SLC4A10: variants seen among roughly 807,000 people sequenced by gnomAD.
SLC4A10 encodes solute carrier family 4 member 10.
Under a neutral mutation model 137.7 loss-of-function variants are expected in SLC4A10, and 42 were observed. The ratio of observed to expected loss-of-function variants is 0.30; its 90% CI spans 0.24 to 0.39. The LOEUF (loss-of-function observed/expected upper bound fraction) is 0.39. Among genes scored for constraint, SLC4A10 ranks in the 10% least tolerant of loss-of-function variants. SLC4A10 has a pLI of 1.00. For synonymous variants in SLC4A10, 474 were observed against 464.1 expected, an observed-to-expected ratio of 1.02 and a Z score of -0.27; for missense variants, 925 against 1,355.0, an observed-to-expected ratio of 0.68 and a Z score of 4.98.
intron 1 of SLC4A10, among the ~76,000 whole-genome samples, chr2:161,662,875 A>G (rs552259352): frequency 6.6e-6 from 1 of 152,298 alleles, no homozygotes; most frequent in Non-Finnish European, 1.5e-5. Flanking sequence ...TTTGAAGTGG[A>G]TATTACTGCA....
chr2:161,830,462 G>A (rs2058361093), intron 3 of SLC4A10, among the ~76,000 whole-genome samples: 1 of 150,580 alleles, frequency 6.6e-6, no homozygotes, highest in Non-Finnish European at 1.5e-5. Flanking sequence ...TGCTCTTAAG[G>A]TAGTTGTGAG....
At chr2:161,967,398 TAAATGAATAC>T (rs1697790702) in intron 23 of SLC4A10, among the ~76,000 whole-genome samples, 1 of 152,178 alleles carries the variant, frequency 6.6e-6, no homozygotes, top group Non-Finnish European at 1.5e-5. Context: ...AAGGAATGAA[TAAATGAATAC>T]AAATGACTGT....
At position 161,804,579 on chromosome 2, in the gene SLC4A10, G is replaced by A. The variant is rs763345916; in HGVS notation, c.261G>A (p.Arg87=). Residue 87 remains arginine, a synonymous_variant, in exon 3 of 27, where the codon AGG becomes AGA. Coordinates refer to ENST00000446997, the MANE Select transcript of SLC4A10 (RefSeq NM_001178015.2). ...GAGATTCAGGATTAGAGGATGGAAG[G>A]GAGTCACCTTCTTTTGGTAAGAATC... ...RERDSGLEDG[R]ESPSFDTPSQ... 52 of 1,609,696 alleles carry A rather than the reference G, an allele frequency of 3.2e-5. No individual in the cohort carries two copies. The highest frequency in any genetic ancestry group is 1.8e-4 in the South Asian group (16 of 90,282).
intron 1 of SLC4A10, among the ~76,000 whole-genome samples, chr2:161,744,160 A>G (rs758828043): frequency 6.6e-6 from 1 of 152,122 alleles, no homozygotes; most frequent in African/African-American, 2.4e-5. Flanking sequence ...GACTTCCAGT[A>G]CTATGGTGAA....
intron 4 of SLC4A10, among the ~76,000 whole-genome samples, chr2:161,841,233 G>T (rs377259521): frequency 6.6e-6 from 1 of 151,716 alleles, no homozygotes; most frequent in South Asian, 2.1e-4. Context: ...ATCTGCCACC[G>T]CGCCCAGCTA....
rs1264122555 is a variant in SLC4A10, at chr2:161,983,470, T to C, written c.*318T>C. 6.3e-6 allele frequency: 3 copies of C among 475,642 alleles called. No individual in the cohort carries two copies. The highest frequency in any genetic ancestry group is 6.0e-5 in the African/African-American group (3 of 50,004). The allele number at this position is 475,642 out of a possible 1,614,324, so 29.5% of individuals were successfully genotyped here. The stretch of plus-strand genomic sequence containing the variant: ...GCAAGAATCTGTGTGTTCCTTGCTG[T>C]ACGTTAGACATTTGTAAACTGGATT... On this transcript the variant is annotated 3_prime_UTR_variant, in exon 27 of 27. Coordinates refer to ENST00000446997, the MANE Select transcript of SLC4A10 (RefSeq NM_001178015.2).
chr2:161,916,595 G>C (rs998246717), intron 15 of SLC4A10, among the ~76,000 whole-genome samples: 7 of 152,184 alleles, frequency 4.6e-5, no homozygotes, highest in Non-Finnish European at 8.8e-5. Context: ...TGACCTTTAA[G>C]GTATGGCTTC....
At chr2:161,882,588 CT>C in intron 10 of SLC4A10, 144 bp downstream of exon 10, 2 of 474,164 alleles carry the variant, frequency 4.2e-6, no homozygotes, top group Non-Finnish European at 7.4e-6. Context: ...ATAAAATCTC[CT>C]TTAGAAAAAT....
At chr2:161,734,369 A>G (rs922542599) in intron 1 of SLC4A10, among the ~76,000 whole-genome samples, 2 of 152,002 alleles carry the variant, frequency 1.3e-5, no homozygotes, top group Non-Finnish European at 2.9e-5. Context: ...ATGAGATCTG[A>G]TGGTTTTATC....
chr2:161,903,895 C>A, intron 12 of SLC4A10, 109 bp from the exon 13 acceptor site: 2 of 1,116,704 alleles, frequency 1.8e-6, no homozygotes, highest in Non-Finnish European at 2.5e-6. Context: ...TGTCTCACCT[C>A]TGCTGATGGA....
intron 1 of SLC4A10, among the ~76,000 whole-genome samples, chr2:161,765,195 A>T (rs1049270288): frequency 6.6e-6 from 1 of 152,192 alleles, no homozygotes; most frequent in Non-Finnish European, 1.5e-5. Context: ...TTGTTTACAC[A>T]TATATAAGTA....
rs542759471 is a variant in SLC4A10 at position 161,717,731 on chromosome 2, A to G, written c.49-53242A>G. On this transcript the variant is annotated intron_variant, in intron 1 of 26. Transcript: ENST00000446997. The stretch of plus-strand genomic sequence containing the variant: ...GAAGATTTTTGCATTGATATTCATC[A>G]GGGATATTGGCCTGAAGTTTTCTTT... Among the ~76,000 whole-genome samples, 25 of 152,280 alleles carry G rather than the reference A, an allele frequency of 1.6e-4. 1 individual carries two copies. In the South Asian group the frequency reaches 5.2e-3, roughly 32 times the overall value.
chr2:161,705,668 T>A (rs2043581695), intron 1 of SLC4A10, among the ~76,000 whole-genome samples: 1 of 151,650 alleles, frequency 6.6e-6, no homozygotes, highest in African/African-American at 2.4e-5. Context: ...AGTGCCCTTA[T>A]AAAAGAGGCC....
chr2:161,942,013 G>A (rs1485622534), intron 15 of SLC4A10, among the ~76,000 whole-genome samples: 1 of 152,152 alleles, frequency 6.6e-6, no homozygotes, highest in Admixed American at 6.6e-5. Context: ...ATGAAACAGA[G>A]TAAGTTCCTG....
intron 2 of SLC4A10, 105 bp from the exon 3 acceptor site, chr2:161,804,344 A>T: frequency 8.0e-7 from 1 of 1,256,266 alleles, no homozygotes; most frequent in Non-Finnish European, 1.1e-6. Context: ...ATCAAAAATG[A>T]CTTGCTGAAT....
chr2:161,939,269 G>T (rs939176749), intron 15 of SLC4A10, among the ~76,000 whole-genome samples: 11 of 151,962 alleles, frequency 7.2e-5, no homozygotes, highest in Non-Finnish European at 1.5e-4. Flanking sequence ...TAGAGATGGG[G>T]TTTCACCATG....
At chr2:161,741,165 T>TG (rs1254771315) in intron 1 of SLC4A10, among the ~76,000 whole-genome samples, 1 of 150,046 alleles carries the variant, frequency 6.7e-6, no homozygotes, top group Non-Finnish European at 1.5e-5. Flanking sequence ...CTTGGGAGGC[T>TG]GAAGTGGAAG....
intron 15 of SLC4A10, among the ~76,000 whole-genome samples, chr2:161,908,977 A>T (rs1482382589): frequency 6.6e-6 from 1 of 150,730 alleles, no homozygotes; most frequent in Non-Finnish European, 1.5e-5. Flanking sequence ...TGTGGCCATG[A>T]TCCCTGTCTG....
chr2:161,756,841 A>G (rs1042115995), intron 1 of SLC4A10, among the ~76,000 whole-genome samples: 5 of 152,190 alleles, frequency 3.3e-5, no homozygotes, highest in Non-Finnish European at 5.9e-5. Flanking sequence ...ATGTGCATAT[A>G]TATTCTTATA....
Sources: allele counts gnomAD v4.1 joint callset (sites outside exome capture counted in the v4.1 genomes callset), GRCh38; gene constraint gnomAD v4.1.1; transcripts MANE v1.5; gene names NCBI Gene and HGNC (gene_info 2026-07-23, HGNC 2026-07-21).